ALK: variants seen among roughly 807,000 people sequenced by gnomAD.
ALK encodes ALK tyrosine kinase receptor.
A neutral mutation model predicts 163.1 loss-of-function variants in ALK; 74 were observed. That is an observed-to-expected ratio of 0.45 (90% CI 0.38 to 0.55). ALK has a LOEUF of 0.55. ALK is among the 20% of genes least tolerant of loss of function. ALK has a pLI of 0.00. For missense variants in ALK, 2,063 were observed against 2,105.3 expected, an observed-to-expected ratio of 0.98 and a Z score of 0.39; for synonymous variants, 960 against 843.2, an observed-to-expected ratio of 1.14 and a Z score of -2.40.
intron 1 of ALK, among the ~76,000 whole-genome samples, chr2:29,723,535 A>G (rs1013705306): frequency 6.6e-6 from 1 of 152,212 alleles, no homozygotes; most frequent in East Asian, 1.9e-4. Context: ...GGCACACAGC[A>G]GGCACTCAAT....
In ALK at chr2:29,831,278, G is replaced by GAATAAGAAT. The variant is rs1260545344; in HGVS notation, c.667+88714_667+88715insATTCTTATT. On this transcript the variant is annotated intron_variant, in intron 1 of 28. Transcript: ENST00000389048. ...GGAAGAGGAAGAAGAAGAAGAAGAA[G>GAATAAGAAT]AAGAAGAAGAAGAAGAAGAAGAAGA... Among the ~76,000 whole-genome samples, 22 of 114,444 alleles carry GAATAAGAAT rather than the reference G, an allele frequency of 1.9e-4. 5 individuals are homozygous for GAATAAGAAT. Among genetic ancestry groups the GAATAAGAAT allele is most frequent in the Admixed American group, 6.4e-4 (7 of 10,888 alleles). 75.1% of individuals were successfully genotyped at this position (114,444 alleles called of 152,430 possible).
At chr2:29,580,199 C>T (rs116451451) in intron 3 of ALK, among the ~76,000 whole-genome samples, 3,535 of 152,244 alleles carry the variant, frequency 0.023, 93 homozygotes, top group African/African-American at 0.058. Context: ...AAAGTCCAAC[C>T]GCTGCCCTGC....
At chr2:29,444,263 AG>A (rs1670615992) in intron 4 of ALK, among the ~76,000 whole-genome samples, 1 of 152,194 alleles carries the variant, frequency 6.6e-6, no homozygotes, top group African/African-American at 2.4e-5. Context: ...AGGAACATGA[AG>A]GAAACTGAAG....
At chr2:29,840,737 C>G (rs1665675788) in intron 1 of ALK, among the ~76,000 whole-genome samples, 1 of 152,178 alleles carries the variant, frequency 6.6e-6, no homozygotes, top group South Asian at 2.1e-4. Flanking sequence ...GTTATTGCAT[C>G]TATTAATAAC....
At chr2:29,353,102 T>C (rs1410119584) in intron 5 of ALK, among the ~76,000 whole-genome samples, 1 of 152,218 alleles carries the variant, frequency 6.6e-6, no homozygotes, top group African/African-American at 2.4e-5. Flanking sequence ...GGCTGCAAGA[T>C]TCTGAACCTC....
At chr2:29,221,190 G>A in intron 22 of ALK, 1 of 544,984 alleles carries the variant, frequency 1.8e-6, no homozygotes, top group Non-Finnish European at 3.7e-6. Context: ...TTTCTCCCAG[G>A]AAGGCCTCAG....
At chr2:29,542,687 G>C (rs1378178702) in intron 3 of ALK, among the ~76,000 whole-genome samples, 1 of 152,148 alleles carries the variant, frequency 6.6e-6, no homozygotes, top group Non-Finnish European at 1.5e-5. Flanking sequence ...CTATTTGGAA[G>C]CTTTTGGGAT....
intron 1 of ALK, among the ~76,000 whole-genome samples, chr2:29,770,088 G>A (rs1400320206): frequency 4.6e-5 from 7 of 152,180 alleles, no homozygotes; most frequent in African/African-American, 1.7e-4. Flanking sequence ...GAGACCAAAG[G>A]CTTCTTTACT....
intron 3 of ALK, among the ~76,000 whole-genome samples, chr2:29,559,357 T>G (rs1166095782): frequency 2.0e-5 from 3 of 152,168 alleles, no homozygotes; most frequent in African/African-American, 7.2e-5. Context: ...TAGGACTGAT[T>G]AAATAGGTAG....
intron 25 of ALK, among the ~76,000 whole-genome samples, chr2:29,207,691 G>A (rs1278550606): frequency 6.6e-6 from 1 of 152,184 alleles, no homozygotes; most frequent in Non-Finnish European, 1.5e-5. Context: ...TAATCATTTT[G>A]GATCCTCTGA....
intron 4 of ALK, among the ~76,000 whole-genome samples, chr2:29,435,925 A>T (rs2148077232): frequency 6.6e-6 from 1 of 152,212 alleles, no homozygotes; most frequent in South Asian, 2.1e-4. Flanking sequence ...TGGTCGAAAA[A>T]ATGATAGGAA....
rs1219558254 is a variant in ALK at position 29,383,805 on chromosome 2, G to A, written c.1209C>T (p.Ala403=). 8.7e-6 allele frequency: 14 copies of A among 1,613,972 alleles called. No homozygotes were observed. The highest frequency in any genetic ancestry group is 1.2e-5 in the Non-Finnish European group (14 of 1,180,010). Residue 403 remains alanine (A), a synonymous_variant, in exon 5 of 29, where the codon GCC becomes GCT. Coordinates refer to ENST00000389048, the MANE Select transcript of ALK (RefSeq NM_004304.5). ...GGTTTCCACTGGAGATGTATTCCAG[G>A]GCCACTCGAAATGGGTTGTCTGGAC... The part of the protein sequence containing the change: ...IGRPDNPFRV[A]LEYISSGNRS...
Position 29,275,447 on chromosome 2 carries a change from C to T in ALK, c.1867G>A (p.Val623Met), listed in dbSNP as rs768256091. The change falls in exon 10 of 29, where the codon GTG (valine) becomes ATG (methionine). Residue 623 changes from valine to methionine, a missense_variant. Val to Met is a conservative substitution (Grantham distance 21, BLOSUM62 1). Coordinates refer to ENST00000389048, the MANE Select transcript of ALK (RefSeq NM_004304.5). Reference sequence around the variant, plus strand: ...CTGATGGAGATATTGTCAAAAGCCACGATGGCTCTGGATCCTTGTCCCCAC... The same window carrying T: ...CTGATGGAGATATTGTCAAAAGCCATGATGGCTCTGGATCCTTGTCCCCAC... ...AWWGQGSRAI[V>M]AFDNISISLD... 14 of 1,614,036 alleles carry T rather than the reference C, an allele frequency of 8.7e-6. No individual in the cohort carries two copies. The highest frequency in any genetic ancestry group is 2.2e-5 in the East Asian group (1 of 44,896).
At chr2:29,875,814 T>C (rs1269159523) in intron 1 of ALK, among the ~76,000 whole-genome samples, 2 of 152,248 alleles carry the variant, frequency 1.3e-5, no homozygotes, top group Admixed American at 6.5e-5. Flanking sequence ...CCACATTTTC[T>C]TTATCCAGTC....
At chr2:29,899,113 C>T (rs148540679) in intron 1 of ALK, among the ~76,000 whole-genome samples, 14 of 152,154 alleles carry the variant, frequency 9.2e-5, no homozygotes, top group Non-Finnish European at 2.1e-4. Flanking sequence ...GGCCCTACCC[C>T]CGACCTACTG....
At chr2:29,868,598 T>C (rs1200762273) in intron 1 of ALK, among the ~76,000 whole-genome samples, 1 of 152,028 alleles carries the variant, frequency 6.6e-6, no homozygotes, top group Non-Finnish European at 1.5e-5. Context: ...TATATAGATA[T>C]CTAGGGGAGG....
At chr2:29,878,092 A>G (rs1666768362) in intron 1 of ALK, among the ~76,000 whole-genome samples, 1 of 152,228 alleles carries the variant, frequency 6.6e-6, no homozygotes, top group African/African-American at 2.4e-5. Context: ...TCCATTGTAC[A>G]AGATAAAAAG....
At chr2:29,910,273 G>A (rs536864662) in intron 1 of ALK, among the ~76,000 whole-genome samples, 11 of 151,320 alleles carry the variant, frequency 7.3e-5, no homozygotes, top group Non-Finnish European at 1.3e-4. Flanking sequence ...AGACACTATA[G>A]AAGAAAAGAG....
At chr2:29,344,470 G>T (rs997978846) in intron 5 of ALK, among the ~76,000 whole-genome samples, 2 of 152,176 alleles carry the variant, frequency 1.3e-5, no homozygotes, top group African/African-American at 2.4e-5. Flanking sequence ...CTCCCTCAAG[G>T]CTACCATGCT....
Sources: gnomAD v4.1 joint callset for allele counts (sites outside exome capture counted in the v4.1 genomes callset) on GRCh38, gnomAD v4.1.1 for gene constraint, MANE v1.5 for transcripts, NCBI Gene and HGNC (gene_info 2026-07-23, HGNC 2026-07-21) for gene names.